Variants in SLCO3A1 observed in about 807,000 individuals in gnomAD.
The protein encoded by SLCO3A1 is solute carrier organic anion transporter family member 3A1.
In SLCO3A1, 27 loss-of-function variants were observed where a neutral mutation model predicts 63.1. The observed-to-expected ratio is 0.43, with a 90% CI of 0.32 to 0.59. SLCO3A1 has a LOEUF of 0.59. Ranked by LOEUF, SLCO3A1 falls within the 20% of genes least tolerant of loss-of-function variation. The pLI is 0.09. For missense variants in SLCO3A1, 773 were observed against 945.8 expected (o/e 0.82, Z 2.40); for synonymous variants, 473 against 409.9 (o/e 1.15, Z -1.86).
At chr15:91,951,989 G>A (rs72754017) in intron 2 of SLCO3A1, among the ~76,000 whole-genome samples, 8,752 of 152,230 alleles carry the variant, frequency 0.057, 365 homozygotes, top group Non-Finnish European at 0.087. Context: ...CAAAGCGACT[G>A]CACCATTTTA....
intron 1 of SLCO3A1, among the ~76,000 whole-genome samples, chr15:91,868,162 C>T (rs1897212103): frequency 6.6e-6 from 1 of 152,000 alleles, no homozygotes; most frequent in African/African-American, 2.4e-5. Flanking sequence ...AGTAGTTCTC[C>T]CGCCTCAGCC....
At chr15:91,955,807 G>A (rs999157246) in intron 2 of SLCO3A1, among the ~76,000 whole-genome samples, 2 of 152,170 alleles carry the variant, frequency 1.3e-5, no homozygotes, top group Non-Finnish European at 2.9e-5. Flanking sequence ...GGACCAATAA[G>A]CAAAACAAAC....
chr15:91,980,279 C>T (rs539946728), intron 2 of SLCO3A1, among the ~76,000 whole-genome samples: 18 of 152,012 alleles, frequency 1.2e-4, no homozygotes, highest in African/African-American at 2.2e-4. Context: ...TATTCATTCG[C>T]TTCAAATTTA....
chr15:91,981,173 G>A (rs545536666), intron 2 of SLCO3A1, among the ~76,000 whole-genome samples: 83 of 152,182 alleles, frequency 5.5e-4, no homozygotes, highest in African/African-American at 1.8e-3. Flanking sequence ...GGGATGATTC[G>A]GATGCCTGGC....
rs985137435 is a variant in SLCO3A1 at position 91,859,223 on chromosome 15, C to T, written c.180+5135C>T. ...TGACACATGGATTTGGAACCGTTCT[C>T]CCCTGAAGAAAATCTCGGTATTTTC... On this transcript the variant is annotated intron_variant, in intron 1 of 9. Transcript: ENST00000318445. This position sits in a 1 kb window ranked among gnomAD's most constrained non-coding sequence, Gnocchi z 5.1. Among the ~76,000 whole-genome samples, 6 of 152,186 alleles carry T rather than the reference C, an allele frequency of 3.9e-5. No homozygotes were observed. Among genetic ancestry groups the T allele is most frequent in the Non-Finnish European group, 8.8e-5 (6 of 68,032 alleles).
At chr15:91,935,001 T>C (rs188938850) in intron 2 of SLCO3A1, among the ~76,000 whole-genome samples, 19 of 152,354 alleles carry the variant, frequency 1.2e-4, no homozygotes, top group African/African-American at 4.3e-4. Flanking sequence ...GTCGCCAGGC[T>C]GGAGTGCAGT....
intron 9 of SLCO3A1, chr15:92,161,535 A>G (rs1414242550): frequency 6.6e-6 from 1 of 152,238 alleles, no homozygotes; most frequent in African/African-American, 2.4e-5. Context: ...GAGGGTTTCA[A>G]AACTGGTTAC....
chr15:91,876,773 T>C (rs529525370), intron 1 of SLCO3A1, among the ~76,000 whole-genome samples: 1 of 152,336 alleles, frequency 6.6e-6, no homozygotes, highest in South Asian at 2.1e-4. Context: ...GCACAGCACC[T>C]CACAGGTGAC....
chr15:91,881,290 C>CT (rs56077641), intron 1 of SLCO3A1, among the ~76,000 whole-genome samples: 34 of 147,350 alleles, frequency 2.3e-4, no homozygotes, highest in African/African-American at 3.0e-4. Flanking sequence ...GTTCCCCCAC[C>CT]TTTTTTTTTT....
intron 6 of SLCO3A1, among the ~76,000 whole-genome samples, 186 bp from the exon 7 acceptor site, chr15:92,128,165 G>C (rs1048661090): frequency 6.6e-6 from 1 of 152,184 alleles, no homozygotes; most frequent in African/African-American, 2.4e-5. Flanking sequence ...AGTGGCCCTG[G>C]GCTGCTCCTT....
chr15:92,075,430 C>T (rs2047265428), intron 2 of SLCO3A1, among the ~76,000 whole-genome samples: 1 of 152,158 alleles, frequency 6.6e-6, no homozygotes, highest in Admixed American at 6.5e-5. Context: ...ATGGGGGCTG[C>T]CCCTTTGTAA....
chr15:92,148,258 A>G (rs2048256320), intron 8 of SLCO3A1, among the ~76,000 whole-genome samples: 1 of 152,232 alleles, frequency 6.6e-6, no homozygotes, highest in Non-Finnish European at 1.5e-5. Context: ...CAGTTATCCA[A>G]GTGAACAGAT....
chr15:91,899,207 G>T (rs750842526), intron 1 of SLCO3A1, among the ~76,000 whole-genome samples: 1 of 152,192 alleles, frequency 6.6e-6, no homozygotes, highest in Non-Finnish European at 1.5e-5. Flanking sequence ...CCAACACAAT[G>T]TCTGTAACCT....
chr15:92,166,318 TAAC>T (rs1463340171), downstream of SLCO3A1, among the ~76,000 whole-genome samples: 1 of 152,122 alleles, frequency 6.6e-6, no homozygotes, highest in East Asian at 1.9e-4. Flanking sequence ...TAGGAACACT[TAAC>T]AGGCAAAATA....
intron 3 of SLCO3A1, among the ~76,000 whole-genome samples, chr15:92,097,101 C>T (rs2047548292): frequency 6.6e-6 from 1 of 152,172 alleles, no homozygotes; most frequent in African/African-American, 2.4e-5. Context: ...AGCAAAGTGG[C>T]CAGATAGCAT....
chr15:91,893,342 C>T (rs1812549521), intron 1 of SLCO3A1, among the ~76,000 whole-genome samples: 2 of 152,158 alleles, frequency 1.3e-5, no homozygotes, highest in African/African-American at 4.8e-5. Flanking sequence ...TAACACGATA[C>T]CATAAACTGG....
At chr15:91,869,987 G>A (rs1483378273) in intron 1 of SLCO3A1, among the ~76,000 whole-genome samples, 1 of 152,184 alleles carries the variant, frequency 6.6e-6, no homozygotes, top group Non-Finnish European at 1.5e-5. Context: ...AATTGGGGGA[G>A]AAGGGGGTCA....
chr15:92,152,557 C>T (rs554764910), intron 9 of SLCO3A1, among the ~76,000 whole-genome samples: 1 of 152,342 alleles, frequency 6.6e-6, no homozygotes, highest in East Asian at 1.9e-4. Flanking sequence ...TAGTAGCATG[C>T]AGAAATACCA....
At chr15:91,933,393 A>G (rs1041245227) in intron 2 of SLCO3A1, among the ~76,000 whole-genome samples, 1 of 152,196 alleles carries the variant, frequency 6.6e-6, no homozygotes, top group African/African-American at 2.4e-5. Flanking sequence ...CCTTGGAAGT[A>G]ATCAATTTTT....
Sources: allele counts gnomAD v4.1 joint callset (sites outside exome capture counted in the v4.1 genomes callset), GRCh38; gene constraint gnomAD v4.1.1; non-coding constraint Gnocchi (gnomAD v3.1); transcripts MANE v1.5; gene names NCBI Gene and HGNC (gene_info 2026-07-23, HGNC 2026-07-21).